The following RIMBP2 variants were observed in gnomAD, a reference collection of about 807,000 sequenced individuals.
RIMBP2 encodes the protein RIMS binding protein 2, also known as RIMS-binding protein 2.
In RIMBP2, 48 loss-of-function variants were observed where a neutral mutation model predicts 118.6. The ratio of observed to expected loss-of-function variants is 0.40; its 90% CI spans 0.32 to 0.51. RIMBP2 has a LOEUF of 0.51. RIMBP2 is among the 20% of genes least tolerant of loss of function. The pLI is 0.41. For missense variants in RIMBP2, 1,551 were observed against 1,768.3 expected (o/e 0.88, Z 2.20); for synonymous variants, 762 against 742.9 (o/e 1.03, Z -0.42).
At chr12:130,619,216 G>A (rs910098240) in intron 2 of RIMBP2, among the ~76,000 whole-genome samples, 5 of 152,240 alleles carry the variant, frequency 3.3e-5, no homozygotes, top group South Asian at 4.2e-4. Flanking sequence ...GGAATACTAC[G>A]CGAGCAAAGG....
chr12:130,701,531 C>A (rs541209628), intron 1 of RIMBP2, among the ~76,000 whole-genome samples: 4 of 152,204 alleles, frequency 2.6e-5, no homozygotes, highest in South Asian at 2.1e-4. Context: ...GCACAGGAAA[C>A]CTTCACAGTC....
At chr12:130,689,159 G>A (rs145054913) in intron 1 of RIMBP2, among the ~76,000 whole-genome samples, 7 of 152,254 alleles carry the variant, frequency 4.6e-5, no homozygotes, top group African/African-American at 7.2e-5. Flanking sequence ...AGGGGCTCCC[G>A]TGTCCTGGGC....
chr12:130,682,480 AGC>A (rs1252356676), intron 1 of RIMBP2, among the ~76,000 whole-genome samples: 2 of 152,252 alleles, frequency 1.3e-5, no homozygotes, highest in African/African-American at 2.4e-5. Flanking sequence ...GACTAACACC[AGC>A]GCCGCTTATG....
intron 1 of RIMBP2, among the ~76,000 whole-genome samples, chr12:130,636,605 C>T (rs1400929860): frequency 6.6e-6 from 1 of 152,162 alleles, no homozygotes; most frequent in African/African-American, 2.4e-5. Flanking sequence ...GCCAGATACT[C>T]GCACACTATT....
intron 2 of RIMBP2, among the ~76,000 whole-genome samples, chr12:130,611,684 G>A (rs1027045005): frequency 3.9e-5 from 6 of 152,108 alleles, no homozygotes; most frequent in Non-Finnish European, 7.3e-5. Flanking sequence ...CCAACAGCTC[G>A]TGTCCCGCCC....
intron 12 of RIMBP2, among the ~76,000 whole-genome samples, chr12:130,437,620 C>T (rs1435804507): frequency 6.6e-6 from 1 of 152,210 alleles, no homozygotes; most frequent in Non-Finnish European, 1.5e-5. Flanking sequence ...TTTATTACCA[C>T]CACAGCTGGA....
At chr12:130,462,101 G>A (rs999304587) in intron 6 of RIMBP2, among the ~76,000 whole-genome samples, 11 of 152,304 alleles carry the variant, frequency 7.2e-5, no homozygotes, top group Non-Finnish European at 1.0e-4. Context: ...TGACACTCCC[G>A]CATCAGCAGG....
chr12:130,434,739 T>C lies in RIMBP2; in HGVS notation c.2248A>G (p.Lys750Glu). The C allele has an allele frequency of 6.2e-7, 1 of 1,612,746 alleles. No homozygotes were observed. The highest frequency in any genetic ancestry group is 1.1e-5 in the South Asian group (1 of 91,016). The change falls in exon 14 of 23, where the codon AAG becomes GAG. Residue 750 changes from lysine (K) to glutamate (E), a missense_variant. Physicochemically the swap from Lys to Glu is moderately conservative, Grantham distance 56. Around this residue, in one of 5 missense-constraint regions of RIMBP2, gnomAD observed 1,038 missense variants for 1,125.1 expected, o/e 0.92. Transcript: ENST00000690449. This position sits in a 1 kb window ranked among gnomAD's most constrained non-coding sequence, Gnocchi z 5.7. The part of the protein sequence containing the change: ...DDFLKGSELG[K>E]QPHCCHGDEY... ...GGGGCCCGGCCCGCTCTCACCTGCT[T>C]GCCAAGTTCAGAGCCTTTCAGGAAG...
At chr12:130,632,286 T>A (rs1462186497) in intron 1 of RIMBP2, among the ~76,000 whole-genome samples, 1 of 152,126 alleles carries the variant, frequency 6.6e-6, no homozygotes, top group Non-Finnish European at 1.5e-5. Context: ...CCAACACACA[T>A]CCTATTCTGC....
intron 1 of RIMBP2, among the ~76,000 whole-genome samples, chr12:130,679,832 C>T (rs1329992484): frequency 6.6e-6 from 1 of 152,038 alleles, no homozygotes; most frequent in Non-Finnish European, 1.5e-5. Flanking sequence ...TCACCCACCG[C>T]GGGAAGGACC....
intron 6 of RIMBP2, among the ~76,000 whole-genome samples, chr12:130,467,414 C>A (rs536198402): frequency 1.3e-5 from 2 of 152,354 alleles, no homozygotes; most frequent in Non-Finnish European, 2.9e-5. Context: ...GGTCCCCACC[C>A]AGGAACTGAC....
chr12:130,407,980 C>T (rs1358108716), intron 19 of RIMBP2, 151 bp from the exon 20 acceptor site: 6 of 690,694 alleles, frequency 8.7e-6, no homozygotes, highest in African/African-American at 5.3e-5. Flanking sequence ...CATCAGCAAA[C>T]GTCTCTACTT....
chr12:130,440,130 G>A (rs1283949175), intron 11 of RIMBP2, among the ~76,000 whole-genome samples: 1,641 of 115,296 alleles, frequency 0.014, 32 homozygotes, highest in African/African-American at 0.054. Context: ...GGCCGTACCT[G>A]CACCACCGTC....
intron 2 of RIMBP2, among the ~76,000 whole-genome samples, chr12:130,533,953 G>A (rs1182352427): frequency 1.3e-5 from 2 of 150,960 alleles, no homozygotes; most frequent in Non-Finnish European, 3.0e-5. Context: ...ATCACTTGAG[G>A]TTAGGAGTTC....
intron 2 of RIMBP2, among the ~76,000 whole-genome samples, chr12:130,605,932 G>C (rs1328031063): frequency 1.3e-5 from 2 of 152,088 alleles, no homozygotes; most frequent in Non-Finnish European, 2.9e-5. Context: ...GCCAGGCATG[G>C]TGGTGGGAGC....
At chr12:130,584,682 A>G (rs2140243817) in intron 2 of RIMBP2, among the ~76,000 whole-genome samples, 1 of 82,414 alleles carries the variant, frequency 1.2e-5, no homozygotes, top group East Asian at 4.0e-4. Flanking sequence ...CATCACTATC[A>G]CAACCATTAC....
intron 1 of RIMBP2, among the ~76,000 whole-genome samples, chr12:130,706,855 C>T (rs544053948): frequency 3.9e-5 from 6 of 152,238 alleles, no homozygotes; most frequent in African/African-American, 7.2e-5. Context: ...CGCCAGTGGT[C>T]CCAAATGCCG....
At chr12:130,479,068 C>A in intron 4 of RIMBP2, 52 bp from the exon 5 acceptor site, 1 of 1,467,428 alleles carries the variant, frequency 6.8e-7, no homozygotes, top group Non-Finnish European at 9.4e-7. Context: ...TGCCCATGGG[C>A]GTGCATCCTA....
intron 4 of RIMBP2, among the ~76,000 whole-genome samples, chr12:130,493,605 A>G (rs7954658): frequency 0.99 from 150,327 of 152,256 alleles, 74,242 homozygotes; most frequent in East Asian, 1. Flanking sequence ...GGGAGCCACC[A>G]TGCCCAGCCT....
Sources: gnomAD v4.1 joint callset for allele counts (sites outside exome capture counted in the v4.1 genomes callset) on GRCh38, gnomAD v4.1.1 for gene constraint, gnomAD v4.1.1 regional missense constraint, Gnocchi (gnomAD v3.1) non-coding constraint, MANE v1.5 for transcripts, NCBI Gene and HGNC (gene_info 2026-07-23, HGNC 2026-07-21) for gene names.